The following ITGBL1 variants were observed in gnomAD, a reference collection of about 807,000 sequenced individuals.
ITGBL1 encodes the protein integrin subunit beta like 1.
ITGBL1 carries 51 observed loss-of-function variants against 68.5 expected under a neutral mutation model. The observed-to-expected ratio is 0.74, with a 90% confidence interval of 0.59 to 0.94. The LOEUF (loss-of-function observed/expected upper bound fraction) is 0.94. ITGBL1 is among the 40% of genes least tolerant of loss of function. The probability of loss-of-function intolerance (pLI) is 0.00; values close to 1 mark genes in which losing one functional copy is unlikely to be tolerated. For missense variants in ITGBL1, 649 were observed against 647.4 expected, an observed-to-expected ratio of 1.00 and a Z score of -0.03; for synonymous variants, 209 against 227.3, an observed-to-expected ratio of 0.92 and a Z score of 0.72.
At chr13:101,635,472 C>T (rs1320424004) in intron 7 of ITGBL1, among the ~76,000 whole-genome samples, 1 of 151,848 alleles carries the variant, frequency 6.6e-6, no homozygotes, top group Non-Finnish European at 1.5e-5. Flanking sequence ...TATTACATGC[C>T]ATGTAGTTGT....
intron 2 of ITGBL1, among the ~76,000 whole-genome samples, chr13:101,487,751 C>T (rs769177125): frequency 3.3e-4 from 50 of 152,312 alleles, no homozygotes; most frequent in Non-Finnish European, 5.3e-4. Flanking sequence ...GTAAGGAATT[C>T]TTATGCTTTT....
chr13:101,483,438 C>G (rs771966651), intron 2 of ITGBL1, among the ~76,000 whole-genome samples: 5 of 152,146 alleles, frequency 3.3e-5, no homozygotes, highest in South Asian at 2.1e-4. Context: ...CAGAAGACAA[C>G]CTCAGGCCAA....
intron 2 of ITGBL1, among the ~76,000 whole-genome samples, chr13:101,565,527 A>G (rs1389365018): frequency 6.6e-6 from 1 of 152,160 alleles, no homozygotes; most frequent in Non-Finnish European, 1.5e-5. Flanking sequence ...CTCCAAACAG[A>G]TGCTAAGGAA....
intron 7 of ITGBL1, among the ~76,000 whole-genome samples, chr13:101,664,028 A>T (rs894703762): frequency 2.6e-5 from 4 of 152,200 alleles, no homozygotes; most frequent in African/African-American, 9.6e-5. Flanking sequence ...GTACATGCAG[A>T]TTGAGTGTAA....
intron 2 of ITGBL1, among the ~76,000 whole-genome samples, chr13:101,565,243 A>T (rs146035252): frequency 1.4e-4 from 21 of 152,284 alleles, no homozygotes; most frequent in African/African-American, 4.8e-4. Context: ...TTGCCACAAT[A>T]ATATAGCAAC....
intron 8 of ITGBL1, among the ~76,000 whole-genome samples, chr13:101,694,742 TTTTC>T: frequency 6.6e-6 from 1 of 152,242 alleles, no homozygotes; most frequent in Admixed American, 6.5e-5. Context: ...TTTGTATGTT[TTTTC>T]TGTCTATTTG....
chr13:101,551,278 T>A (rs7324587), intron 2 of ITGBL1, among the ~76,000 whole-genome samples: 122,910 of 152,176 alleles, frequency 0.81, 49,878 homozygotes, highest in African/African-American at 0.9. Context: ...AAAAGGTGAG[T>A]CTTGGAATGA....
At chr13:101,548,015 A>G (rs1190913213) in intron 2 of ITGBL1, among the ~76,000 whole-genome samples, 1 of 151,828 alleles carries the variant, frequency 6.6e-6, no homozygotes, top group Non-Finnish European at 1.5e-5. Context: ...CATAGTTACC[A>G]TTTTAGATGT....
intron 7 of ITGBL1, among the ~76,000 whole-genome samples, chr13:101,604,887 T>TATATATATATACACACACACAC: frequency 2.3e-4 from 5 of 22,160 alleles, no homozygotes; most frequent in Non-Finnish European, 3.3e-4. Context: ...TATATATATA[T>TATATATATATACACACACACAC]ACACACACAC....
At chr13:101,715,504 A>G (rs2034677187) in intron 10 of ITGBL1, 59 bp from the exon 11 acceptor site, 8 of 1,101,130 alleles carry the variant, frequency 7.3e-6, no homozygotes, top group Non-Finnish European at 9.8e-6. Flanking sequence ...TTATAATAGC[A>G]TGTTTAAATT....
At chr13:101,544,220 G>T (rs1022589643) in intron 2 of ITGBL1, among the ~76,000 whole-genome samples, 10 of 152,162 alleles carry the variant, frequency 6.6e-5, no homozygotes, top group African/African-American at 2.4e-4. Context: ...GTGACGTACA[G>T]ATGGGGTTTT....
At chr13:101,506,773 G>GT (rs1301559002) in intron 2 of ITGBL1, among the ~76,000 whole-genome samples, 5 of 152,176 alleles carry the variant, frequency 3.3e-5, no homozygotes, top group African/African-American at 1.2e-4. Flanking sequence ...TGTGTGACAT[G>GT]TAGGATCCTT....
intron 2 of ITGBL1, among the ~76,000 whole-genome samples, chr13:101,567,158 A>G (rs1365685453): frequency 1.3e-5 from 2 of 152,212 alleles, no homozygotes; most frequent in African/African-American, 4.8e-5. Flanking sequence ...GTGGAGGCAG[A>G]TGAATATGAA....
intron 8 of ITGBL1, among the ~76,000 whole-genome samples, chr13:101,704,895 A>C (rs1380251322): frequency 2.6e-5 from 4 of 152,276 alleles, no homozygotes; most frequent in Admixed American, 6.5e-5. Context: ...CTAGGTGAAA[A>C]AGACCACAAT....
At position 101,596,813 on chromosome 13, in the gene ITGBL1, T is replaced by C. The variant is rs373878878; in HGVS notation, c.869-1340T>C. On this transcript the variant is annotated intron_variant, in intron 6 of 10. Transcript: ENST00000376180. ...GCATATTACCAACTGAAAAAAAAAC[T>C]GAAAGGACTACATATACTGTATGAC... 5.3e-5 allele frequency among the ~76,000 whole-genome samples: 8 copies of C among 151,762 alleles called. 1 individual carries two copies. Among genetic ancestry groups the C allele is most frequent in the Admixed American group, 3.3e-4 (5 of 15,218 alleles).
At chr13:101,590,183 A>G (rs553019874) in intron 6 of ITGBL1, among the ~76,000 whole-genome samples, 2 of 152,340 alleles carry the variant, frequency 1.3e-5, no homozygotes, top group African/African-American at 4.8e-5. Context: ...ATAGGATTCC[A>G]ACTTTAAAAA....
chr13:101,641,470 T>G (rs2032365518), intron 7 of ITGBL1, among the ~76,000 whole-genome samples: 1 of 151,952 alleles, frequency 6.6e-6, no homozygotes, highest in Admixed American at 6.6e-5. Flanking sequence ...GTGGTTTTTA[T>G]TCTCAATTTT....
intron 2 of ITGBL1, among the ~76,000 whole-genome samples, chr13:101,455,500 C>G (rs1460742313): frequency 6.6e-6 from 1 of 151,824 alleles, no homozygotes; most frequent in Non-Finnish European, 1.5e-5. Context: ...AACCCAGTCT[C>G]TACTAAAAAT....
intron 7 of ITGBL1, among the ~76,000 whole-genome samples, chr13:101,651,303 G>A (rs960347464): frequency 6.6e-6 from 1 of 152,046 alleles, no homozygotes; most frequent in Non-Finnish European, 1.5e-5. Flanking sequence ...AACCTCTCCA[G>A]CATCTGTTGT....
Sources: gnomAD v4.1 joint callset for allele counts (sites outside exome capture counted in the v4.1 genomes callset) on GRCh38, gnomAD v4.1.1 for gene constraint, MANE v1.5 for transcripts, NCBI Gene and HGNC (gene_info 2026-07-23, HGNC 2026-07-21) for gene names.